EPHA6: variants seen among roughly 807,000 people sequenced by gnomAD.
EPHA6 encodes the protein ephrin type-A receptor 6.
Under a neutral mutation model 112.0 loss-of-function variants are expected in EPHA6, and 50 were observed. That is an observed-to-expected ratio of 0.45 (90% CI 0.36 to 0.56). The LOEUF is 0.56. EPHA6 is among the 20% of genes least tolerant of loss of function. The pLI is 0.00. For missense variants in EPHA6, 1,280 were observed against 1,417.4 expected, an observed-to-expected ratio of 0.90 and a Z score of 1.56; for synonymous variants, 529 against 490.7, an observed-to-expected ratio of 1.08 and a Z score of -1.03.
At chr3:97,268,064 G>T (rs2079749184) in intron 5 of EPHA6, among the ~76,000 whole-genome samples, 1 of 152,164 alleles carries the variant, frequency 6.6e-6, no homozygotes, top group Non-Finnish European at 1.5e-5. Context: ...CTATATATCT[G>T]ATTCATCATA....
At chr3:96,989,271 C>T (rs1028748405) in intron 3 of EPHA6, among the ~76,000 whole-genome samples, 9 of 152,092 alleles carry the variant, frequency 5.9e-5, no homozygotes, top group African/African-American at 2.2e-4. Flanking sequence ...TAGAAGTTCG[C>T]TCAAGCTGCC....
intron 1 of EPHA6, among the ~76,000 whole-genome samples, chr3:96,825,077 C>T (rs1369747045): frequency 6.6e-6 from 1 of 151,862 alleles, no homozygotes; most frequent in Non-Finnish European, 1.5e-5. Context: ...GATTTATCAT[C>T]ATGAATATAT....
intron 2 of EPHA6, among the ~76,000 whole-genome samples, chr3:96,982,006 C>T (rs948014888): frequency 3.9e-5 from 6 of 152,124 alleles, no homozygotes; most frequent in Admixed American, 3.9e-4. Flanking sequence ...AAAAAACCAT[C>T]CACTGGACTC....
At chr3:97,380,013 G>A (rs1003759509) in intron 5 of EPHA6, among the ~76,000 whole-genome samples, 18 of 152,108 alleles carry the variant, frequency 1.2e-4, no homozygotes, top group African/African-American at 2.7e-4. Context: ...AATAGGAAAC[G>A]TATTAAAGCA....
rs149447628 is a variant in EPHA6 at position 97,316,008 on chromosome 3, A to C, written c.1606+71721A>C. On this transcript the variant is annotated intron_variant, in intron 5 of 17. Transcript: ENST00000389672. ...GTGTCTACGTAAAAAGGCTTATGGA[A>C]ATTTATTTGCTCAAACATATAGCTA... is the stretch of plus-strand genomic sequence containing the variant. Among the ~76,000 whole-genome samples, 109 of 151,974 alleles carry C rather than the reference A, an allele frequency of 7.2e-4. 1 individual carries two copies. The highest frequency in any genetic ancestry group is 2.6e-3 in the African/African-American group (107 of 41,482).
intron 3 of EPHA6, among the ~76,000 whole-genome samples, chr3:97,180,918 G>T (rs1559779013): frequency 6.6e-6 from 1 of 151,844 alleles, no homozygotes; most frequent in Non-Finnish European, 1.5e-5. Context: ...ACTGTCTCTG[G>T]ACCTATTTCA....
At chr3:97,521,571 G>C (rs1385846433) in intron 10 of EPHA6, among the ~76,000 whole-genome samples, 3 of 152,216 alleles carry the variant, frequency 2.0e-5, no homozygotes, top group East Asian at 3.9e-4. Flanking sequence ...AGAACTTACT[G>C]TCTATCATGA....
intron 3 of EPHA6, among the ~76,000 whole-genome samples, chr3:97,074,265 C>G (rs966270845): frequency 2.0e-5 from 3 of 151,838 alleles, no homozygotes; most frequent in Non-Finnish European, 4.4e-5. Context: ...TATTTGTTTA[C>G]TTATGTAGAA....
intron 11 of EPHA6, among the ~76,000 whole-genome samples, chr3:97,549,470 G>C (rs1290992198): frequency 6.6e-6 from 1 of 152,136 alleles, no homozygotes; most frequent in Admixed American, 6.5e-5. Flanking sequence ...AGAACAAAAT[G>C]TCAGAATCTG....
At chr3:97,584,653 T>C (rs1252005002) in intron 11 of EPHA6, among the ~76,000 whole-genome samples, 2 of 152,126 alleles carry the variant, frequency 1.3e-5, no homozygotes, top group Non-Finnish European at 2.9e-5. Context: ...GTAAGTTCTC[T>C]CCAGCTATGT....
chr3:97,284,705 A>G lies in EPHA6; in HGVS notation c.1606+40418A>G, dbSNP rs149604702. ...AATAGTGAACTATCCCAGATTTCAT[A>G]CTGTTGTTATAATAATGATTCATGA... is the stretch of plus-strand genomic sequence containing the variant. On this transcript the variant is annotated intron_variant, in intron 5 of 17. Transcript: ENST00000389672. 3.8e-3 allele frequency among the ~76,000 whole-genome samples: 582 copies of G among 152,274 alleles called. 1 individual carries two copies. The highest frequency in any genetic ancestry group is 0.013 in the African/African-American group (538 of 41,574).
chr3:97,287,733 C>G (rs2080523842), intron 5 of EPHA6, among the ~76,000 whole-genome samples: 2 of 152,144 alleles, frequency 1.3e-5, no homozygotes, highest in Admixed American at 1.3e-4. Context: ...GTATGTTGAA[C>G]CACCCTTGCA....
At chr3:96,924,802 A>G (rs187512747) in intron 2 of EPHA6, among the ~76,000 whole-genome samples, 1 of 152,156 alleles carries the variant, frequency 6.6e-6, no homozygotes, top group East Asian at 1.9e-4. Context: ...TATTTGCAAT[A>G]TGTTCGTTTA....
intron 4 of EPHA6, among the ~76,000 whole-genome samples, chr3:97,243,147 T>C (rs2078896334): frequency 6.6e-6 from 1 of 151,830 alleles, no homozygotes; most frequent in South Asian, 2.1e-4. Context: ...GCTCATCCCC[T>C]CCTTAGACTG....
At chr3:96,949,114 G>A (rs2041416498) in intron 2 of EPHA6, among the ~76,000 whole-genome samples, 1 of 152,120 alleles carries the variant, frequency 6.6e-6, no homozygotes. Flanking sequence ...CAAGAACATT[G>A]CTACAGTTTT....
At chr3:97,635,225 A>T (rs1014750536) in intron 13 of EPHA6, among the ~76,000 whole-genome samples, 16 of 152,248 alleles carry the variant, frequency 1.1e-4, no homozygotes, top group African/African-American at 2.9e-4. Flanking sequence ...GAACATAAAG[A>T]AAGTAGTTTA....
chr3:96,845,186 A>G (rs2034996198), intron 1 of EPHA6, among the ~76,000 whole-genome samples: 1 of 152,000 alleles, frequency 6.6e-6, no homozygotes, highest in Non-Finnish European at 1.5e-5. Flanking sequence ...TCCAGATTTT[A>G]ATGGATTTCT....
At chr3:97,608,339 T>C (rs913058974) in intron 12 of EPHA6, among the ~76,000 whole-genome samples, 1 of 151,272 alleles carries the variant, frequency 6.6e-6, no homozygotes, top group African/African-American at 2.4e-5. Flanking sequence ...TTCACATAGA[T>C]CAGATCTTGT....
intron 5 of EPHA6, among the ~76,000 whole-genome samples, chr3:97,363,212 ATATAT>A (rs2084489112): frequency 1.2e-5 from 1 of 85,746 alleles, no homozygotes; most frequent in Non-Finnish European, 2.0e-5. Flanking sequence ...ATATATATAT[ATATAT>A]ATATATATAT....
Sources: gnomAD v4.1 joint callset for allele counts (sites outside exome capture counted in the v4.1 genomes callset) on GRCh38, gnomAD v4.1.1 for gene constraint, MANE v1.5 for transcripts, NCBI Gene and HGNC (gene_info 2026-07-23, HGNC 2026-07-21) for gene names.